GSG1L: variants seen among roughly 807,000 people sequenced by gnomAD.
The protein encoded by GSG1L is GSG1 like.
In GSG1L, 24 loss-of-function variants were observed where a neutral mutation model predicts 42.1. That is an observed-to-expected ratio of 0.57 (90% CI 0.41 to 0.80). The LOEUF (loss-of-function observed/expected upper bound fraction) is 0.80. Among genes scored for constraint, GSG1L ranks in the 30% least tolerant of loss-of-function variants. The probability of loss-of-function intolerance (pLI) is 0.00; values close to 1 mark genes in which losing one functional copy is unlikely to be tolerated. For missense variants in GSG1L, 445 were observed against 472.2 expected (o/e 0.94, Z 0.53); for synonymous variants, 215 against 203.5 (o/e 1.06, Z -0.48).
intron 1 of GSG1L, among the ~76,000 whole-genome samples, chr16:27,990,796 G>A (rs2085447106): frequency 6.6e-6 from 1 of 152,210 alleles, no homozygotes; most frequent in Non-Finnish European, 1.5e-5. Flanking sequence ...ATGTGTGCAT[G>A]TGTCTTTATA....
intron 1 of GSG1L, among the ~76,000 whole-genome samples, chr16:28,021,953 A>C (rs2085848892): frequency 6.6e-6 from 1 of 152,228 alleles, no homozygotes; most frequent in Non-Finnish European, 1.5e-5. Context: ...CAGCAATCCA[A>C]AAGACTCAGC....
chr16:27,969,494 T>C (rs1451630121), intron 1 of GSG1L, among the ~76,000 whole-genome samples: 1 of 152,260 alleles, frequency 6.6e-6, no homozygotes, highest in African/African-American at 2.4e-5. Flanking sequence ...AATAATGTTT[T>C]GTGACTACCT....
chr16:27,854,037 T>C (rs1338456315), intron 3 of GSG1L, among the ~76,000 whole-genome samples: 1 of 151,918 alleles, frequency 6.6e-6, no homozygotes, highest in Non-Finnish European at 1.5e-5. Flanking sequence ...AATTTGGCTT[T>C]GGAGATTTCA....
intron 3 of GSG1L, among the ~76,000 whole-genome samples, chr16:27,873,100 A>G (rs2083842760): frequency 6.6e-6 from 1 of 152,218 alleles, no homozygotes; most frequent in Non-Finnish European, 1.5e-5. Flanking sequence ...CTTTCCAGTA[A>G]CAATAGCGCT....
Position 27,986,834 on chromosome 16 carries a change from G to A in GSG1L, c.350-23631C>T, listed in dbSNP as rs186591964. On this transcript the variant is annotated intron_variant, in intron 1 of 6. Coordinates refer to ENST00000447459, the MANE Select transcript of GSG1L (RefSeq NM_001109763.2). ...AGGCCCTGGAAATTGCAATTCCTTC[G>A]TTGGTCCTATTTGTTAATGGGCTCC... is the stretch of plus-strand genomic sequence containing the variant. Among the ~76,000 whole-genome samples, 10 of 152,352 alleles carry A rather than the reference G, an allele frequency of 6.6e-5. No individual in the cohort carries two copies. The East Asian group carries it at 1.2e-3, about 18-fold the overall frequency.
intron 4 of GSG1L, among the ~76,000 whole-genome samples, chr16:27,831,742 A>G (rs1343037594): frequency 6.6e-6 from 1 of 152,190 alleles, no homozygotes; most frequent in Non-Finnish European, 1.5e-5. Flanking sequence ...TGCTAGAAGA[A>G]AAGCCTACAT....
At chr16:27,948,982 A>G (rs985894487) in intron 2 of GSG1L, among the ~76,000 whole-genome samples, 3 of 150,766 alleles carry the variant, frequency 2.0e-5, no homozygotes, top group African/African-American at 4.9e-5. Context: ...TGGTGGCTCA[A>G]TCATGGCTCA....
intron 2 of GSG1L, among the ~76,000 whole-genome samples, chr16:27,952,416 G>T (rs996786687): frequency 3.4e-4 from 52 of 152,216 alleles, no homozygotes; most frequent in Non-Finnish European, 1.5e-4. Flanking sequence ...TTTCTAAGCT[G>T]GGTTTTGAAG....
intron 1 of GSG1L, among the ~76,000 whole-genome samples, chr16:27,976,557 A>G (rs2085252852): frequency 6.6e-6 from 1 of 151,822 alleles, no homozygotes; most frequent in South Asian, 2.1e-4. Context: ...GAGCAATCTA[A>G]GACAGAAGAG....
intron 2 of GSG1L, among the ~76,000 whole-genome samples, chr16:27,931,290 C>G (rs940702365): frequency 1.3e-5 from 2 of 152,190 alleles, no homozygotes; most frequent in Non-Finnish European, 2.9e-5. Context: ...GCTGCAATCT[C>G]CTGCCCATGC....
chr16:27,828,162 C>T (rs796617936), intron 5 of GSG1L, among the ~76,000 whole-genome samples: 2 of 152,026 alleles, frequency 1.3e-5, no homozygotes, highest in Non-Finnish European at 2.9e-5. Flanking sequence ...CCCATCCACC[C>T]GCTCACCTGT....
chr16:27,892,300 T>A (rs1303503956), intron 2 of GSG1L, among the ~76,000 whole-genome samples: 1 of 151,096 alleles, frequency 6.6e-6, no homozygotes, highest in East Asian at 2.0e-4. Flanking sequence ...ACAAAAATTT[T>A]AAAAATTAGC....
chr16:27,879,158 A>G (rs913101936), intron 3 of GSG1L, among the ~76,000 whole-genome samples: 1 of 152,224 alleles, frequency 6.6e-6, no homozygotes, highest in African/African-American at 2.4e-5. Context: ...GACCTGATTC[A>G]AACTGGGTCA....
intron 6 of GSG1L, among the ~76,000 whole-genome samples, chr16:27,803,793 A>ATATATATATATATATATATATATATAAT (rs1567460435): frequency 1.8e-5 from 1 of 56,108 alleles, no homozygotes; most frequent in African/African-American, 7.5e-5. Context: ...ATATATATAT[A>ATATATATATATATATATATATATATAAT]TAGATAGATA....
At chr16:27,801,861 T>C (rs1027574354) in intron 6 of GSG1L, among the ~76,000 whole-genome samples, 1 of 152,174 alleles carries the variant, frequency 6.6e-6, no homozygotes, top group Non-Finnish European at 1.5e-5. Context: ...GTCTGTAAAA[T>C]GGGTCCGTAT....
chr16:27,938,383 A>AT (rs1347530173), intron 2 of GSG1L, among the ~76,000 whole-genome samples: 1 of 92,970 alleles, frequency 1.1e-5, no homozygotes, highest in Non-Finnish European at 2.8e-5. Flanking sequence ...GCGAGACTCC[A>AT]TTAAAAAAAA....
intron 3 of GSG1L, among the ~76,000 whole-genome samples, chr16:27,868,538 A>T (rs938363750): frequency 6.6e-6 from 1 of 152,072 alleles, no homozygotes; most frequent in South Asian, 2.1e-4. Context: ...TCCAGCTACC[A>T]TCTAAAACTG....
intron 1 of GSG1L, among the ~76,000 whole-genome samples, chr16:28,043,759 C>A (rs372807632): frequency 6.6e-6 from 1 of 152,202 alleles, no homozygotes; most frequent in Non-Finnish European, 1.5e-5. Flanking sequence ...TGGTGGCACA[C>A]GCCTGTAATC....
At chr16:27,908,024 C>T (rs897639739) in intron 2 of GSG1L, among the ~76,000 whole-genome samples, 3 of 152,170 alleles carry the variant, frequency 2.0e-5, no homozygotes, top group African/African-American at 7.2e-5. Flanking sequence ...ATTCACCCTT[C>T]CTGTGTCTGT....
Sources: gnomAD v4.1 joint callset for allele counts (sites outside exome capture counted in the v4.1 genomes callset) on GRCh38, gnomAD v4.1.1 for gene constraint, MANE v1.5 for transcripts, NCBI Gene and HGNC (gene_info 2026-07-23, HGNC 2026-07-21) for gene names.